The following CDH5 variants were observed in gnomAD, a reference collection of about 807,000 sequenced individuals.
CDH5 encodes the protein cadherin-5.
CDH5 carries 28 observed loss-of-function variants against 62.0 expected under a neutral mutation model. The ratio of observed to expected loss-of-function variants is 0.45; its 90% confidence interval spans 0.33 to 0.62. The LOEUF (loss-of-function observed/expected upper bound fraction) is 0.62. Ranked by LOEUF, CDH5 falls within the 20% of genes least tolerant of loss-of-function variation. The pLI is 0.02. For synonymous variants in CDH5, 464 were observed against 445.8 expected (o/e 1.04, Z -0.52); for missense variants, 940 against 1,065.1 (o/e 0.88, Z 1.63).
intron 6 of CDH5, among the ~76,000 whole-genome samples, chr16:66,391,286 CAT>C (rs1961079175): frequency 1.3e-5 from 2 of 152,228 alleles, no homozygotes; most frequent in South Asian, 4.1e-4. Flanking sequence ...ATGGGGAAGA[CAT>C]ATGCATGAAC....
chr16:66,396,295 G>A (rs968496186), intron 8 of CDH5, 94 bp downstream of exon 8: 25 of 1,484,928 alleles, frequency 1.7e-5, no homozygotes, highest in Admixed American at 5.6e-5. Context: ...GTCTCTAGAC[G>A]TATTAGAAGT....
chr16:66,402,743 C>T lies in CDH5; in HGVS notation c.1929C>T (p.Val643=), dbSNP rs757622000. ...KSVPEIHEQL[V]TYDEEGGGEM... ...TGCCGGAGATCCACGAGCAGCTGGT[C>T]ACCTACGACGAGGAGGGCGGCGGCG... The change falls in exon 12 of 12, where the codon GTC becomes GTT. Residue 643 remains valine, a synonymous_variant. Coordinates refer to ENST00000341529, the MANE Select transcript of CDH5 (RefSeq NM_001795.5). 5.0e-6 allele frequency: 8 copies of T among 1,609,688 alleles called. No homozygotes were observed. The highest frequency in any genetic ancestry group is 5.9e-6 in the Non-Finnish European group (7 of 1,178,948).
At position 66,389,487 on chromosome 16, in the gene CDH5, A is replaced by G. The variant is rs1229885551; in HGVS notation, c.746A>G (p.Gln249Arg). ...ACGGCCACCGTGCTGGTCACTCTGC[A>G]AGACATCAATGACAACTTCCCCTTC... The part of the protein sequence containing the change: ...SGTATVLVTL[Q>R]DINDNFPFFT... The change falls in exon 5 of 12, where the codon CAA becomes CGA. Residue 249 changes from glutamine to arginine, a missense_variant. Physicochemically the swap from Gln to Arg is conservative, Grantham distance 43. Coordinates refer to ENST00000341529, the MANE Select transcript of CDH5 (RefSeq NM_001795.5). 1 of 1,606,060 alleles carries G rather than the reference A, an allele frequency of 6.2e-7. No homozygotes were observed. The highest frequency in any genetic ancestry group is 1.1e-5 in the South Asian group (1 of 90,280).
intron 5 of CDH5, among the ~76,000 whole-genome samples, chr16:66,389,855 G>A (rs183050002): frequency 2.6e-5 from 4 of 152,304 alleles, no homozygotes; most frequent in African/African-American, 9.6e-5. Context: ...TCAAAGCCCT[G>A]AGACTCAGGT....
chr16:66,367,057 C>T (rs1484086711), intron 1 of CDH5, among the ~76,000 whole-genome samples: 1 of 152,242 alleles, frequency 6.6e-6, no homozygotes, highest in African/African-American at 2.4e-5. Flanking sequence ...TCATCAGTGC[C>T]AGGCTCAGAG....
chr16:66,384,900 A>G (rs920905629), intron 2 of CDH5, among the ~76,000 whole-genome samples: 1 of 152,168 alleles, frequency 6.6e-6, no homozygotes, highest in Non-Finnish European at 1.5e-5. Context: ...CAGGAGGCGG[A>G]GGTTGCAGTG....
In CDH5 at chr16:66,374,631, C is replaced by T. The variant is rs879803572; in HGVS notation, c.-19-4688C>T. On this transcript the variant is annotated intron_variant, in intron 1 of 11. Transcript: ENST00000341529. ...AATGTCCCCCCAGGAGCCACGTGGT[C>T]CGAGCCTGTGACTGGTGGACTCTGC... Among the ~76,000 whole-genome samples, 29 of 151,836 alleles carry T rather than the reference C, an allele frequency of 1.9e-4. 1 individual carries two copies. Among genetic ancestry groups the T allele is most frequent in the Admixed American group, 7.9e-4 (12 of 15,256 alleles).
At chr16:66,394,820 A>T (rs1054283940) in intron 7 of CDH5, among the ~76,000 whole-genome samples, 2 of 147,876 alleles carry the variant, frequency 1.4e-5, no homozygotes, top group African/African-American at 5.0e-5. Context: ...TTCAAAAAAA[A>T]ATTCAGGACA....
chr16:66,402,768 G>C lies in CDH5; in HGVS notation c.1954G>C (p.Glu652Gln), dbSNP rs1961311267. 6.2e-7 allele frequency: 1 copy of C among 1,607,880 alleles called. No homozygotes were observed. The highest frequency in any genetic ancestry group is 8.5e-7 in the Non-Finnish European group (1 of 1,178,092). The change falls in exon 12 of 12, where the codon GAG becomes CAG. Residue 652 changes from glutamate (E) to glutamine (Q), a missense_variant. Glu to Gln is a conservative substitution (Grantham distance 29, BLOSUM62 2). Transcript: ENST00000341529. ...LVTYDEEGGG[E>Q]MDTTSYDVSV... ...CACCTACGACGAGGAGGGCGGCGGC[G>C]AGATGGACACCACCAGCTACGATGT... is the stretch of plus-strand genomic sequence containing the variant.
At chr16:66,379,928 T>G (rs62647204) in intron 2 of CDH5, among the ~76,000 whole-genome samples, 22,164 of 53,408 alleles carry the variant, frequency 0.41, 4,480 homozygotes, top group Middle Eastern at 0.45. Flanking sequence ...GGGGTAGGTG[T>G]TGGTGGTGAT....
At chr16:66,402,112 A>G (rs1245498107) in intron 11 of CDH5, among the ~76,000 whole-genome samples, 1 of 152,052 alleles carries the variant, frequency 6.6e-6, no homozygotes, top group East Asian at 2.0e-4. Flanking sequence ...GGAGGTCATC[A>G]TTTCCATTTT....
intron 8 of CDH5, among the ~76,000 whole-genome samples, chr16:66,396,961 C>G (rs2142339518): frequency 6.6e-6 from 1 of 152,300 alleles, no homozygotes; most frequent in South Asian, 2.1e-4. Flanking sequence ...TTGCTTCTTT[C>G]TCCTCCACAT....
At chr16:66,395,196 T>G (rs1251388010) in intron 7 of CDH5, among the ~76,000 whole-genome samples, 1 of 151,306 alleles carries the variant, frequency 6.6e-6, no homozygotes, top group East Asian at 1.9e-4. Context: ...AACCTTGCCT[T>G]CTAATAACAC....
At chr16:66,395,515 T>TG (rs1961167088) in intron 7 of CDH5, 1 of 147,616 alleles carries the variant, frequency 6.8e-6, no homozygotes, top group Non-Finnish European at 1.5e-5. Flanking sequence ...TTTTTTTTTT[T>TG]TTTTTTTTTG....
chr16:66,385,386 T>A (rs1387522518), intron 2 of CDH5, among the ~76,000 whole-genome samples: 2 of 152,162 alleles, frequency 1.3e-5, no homozygotes, highest in Non-Finnish European at 2.9e-5. Flanking sequence ...CACAGAAAAA[T>A]GGTTCTGTGG....
At chr16:66,375,081 C>T (rs1470177317) in intron 1 of CDH5, among the ~76,000 whole-genome samples, 1 of 152,110 alleles carries the variant, frequency 6.6e-6, no homozygotes, top group Non-Finnish European at 1.5e-5. Flanking sequence ...AAATCTGGAT[C>T]GTATAGCCTG....
rs550920002 is a variant in CDH5, at chr16:66,378,331, C to G, written c.-19-988C>G. On this transcript the variant is annotated intron_variant, in intron 1 of 11. Coordinates refer to ENST00000341529, the MANE Select transcript of CDH5 (RefSeq NM_001795.5). ...CGGGCCAGACAACCTTGGTTCAAAT[C>G]CTGGCTGTGCTCCTTACAGTTTGGG... Among the ~76,000 whole-genome samples, 4 of 152,318 alleles carry G rather than the reference C, an allele frequency of 2.6e-5. No individual in the cohort carries two copies. In the East Asian group the frequency reaches 5.8e-4, roughly 22 times the overall value.
chr16:66,389,724 C>T (rs887105587), intron 5 of CDH5, among the ~76,000 whole-genome samples: 4 of 152,152 alleles, frequency 2.6e-5, no homozygotes, highest in Admixed American at 6.5e-5. Flanking sequence ...TCCTGCCGCC[C>T]CCTGCCACAA....
chr16:66,400,861 G>T lies in CDH5; in HGVS notation c.1682G>T (p.Gly561Val). Residue 561 changes from glycine (G) to valine (V), a missense_variant, in exon 11 of 12, where the codon GGG (glycine) becomes GTG (valine). By Grantham distance (109) the Gly-to-Val change is moderately radical. Coordinates refer to ENST00000341529, the MANE Select transcript of CDH5 (RefSeq NM_001795.5). Reference sequence around the variant, plus strand: ...CTACCCGTGGTCATCTCAGACAATGGGATGCCAAGTCGCACGGGCACCAGC... The same window carrying T: ...CTACCCGTGGTCATCTCAGACAATGTGATGCCAAGTCGCACGGGCACCAGC... ...HFLPVVISDN[G>V]MPSRTGTSTL... The T allele has an allele frequency of 6.2e-7, 1 of 1,614,206 alleles. No homozygotes were observed. Among genetic ancestry groups the T allele is most frequent in the Non-Finnish European group, 8.5e-7 (1 of 1,180,050 alleles).
Sources: gnomAD v4.1 joint callset for allele counts (sites outside exome capture counted in the v4.1 genomes callset) on GRCh38, gnomAD v4.1.1 for gene constraint, MANE v1.5 for transcripts, NCBI Gene and HGNC (gene_info 2026-07-23, HGNC 2026-07-21) for gene names.